The following RGS6 variants were observed in gnomAD, a reference collection of about 807,000 sequenced individuals.
RGS6 encodes the protein regulator of G-protein signaling 6.
In RGS6, 30 loss-of-function variants were observed where a neutral mutation model predicts 78.5. The observed-to-expected ratio is 0.38, with a 90% CI of 0.29 to 0.52. The LOEUF (loss-of-function observed/expected upper bound fraction) is 0.52. RGS6 is among the 20% of genes least tolerant of loss of function. RGS6 has a pLI of 0.85. For synonymous variants in RGS6, 206 were observed against 206.0 expected, an observed-to-expected ratio of 1.00 and a Z score of 0.00; for missense variants, 495 against 609.7, an observed-to-expected ratio of 0.81 and a Z score of 1.98.
intron 2 of RGS6, among the ~76,000 whole-genome samples, chr14:72,077,066 A>G (rs1171430319): frequency 2.0e-5 from 3 of 151,412 alleles, no homozygotes; most frequent in Non-Finnish European, 2.9e-5. Flanking sequence ...ACATTCCTGT[A>G]ACAGGGCATT....
the RGS6 span, among the ~76,000 whole-genome samples, chr14:71,909,136 A>T: frequency 6.6e-6 from 1 of 152,206 alleles, no homozygotes; most frequent in Admixed American, 6.5e-5. Flanking sequence ...GCATGTTCCA[A>T]GTCTAAATCT....
chr14:72,477,728 T>G (rs1157659143), intron 11 of RGS6, among the ~76,000 whole-genome samples: 1 of 148,238 alleles, frequency 6.7e-6, no homozygotes, highest in South Asian at 2.1e-4. Context: ...ATCTGAGAGG[T>G]GGAGGTTGCA....
At chr14:72,260,651 G>T (rs1435681630) in intron 2 of RGS6, among the ~76,000 whole-genome samples, 5 of 152,200 alleles carry the variant, frequency 3.3e-5, no homozygotes, top group Non-Finnish European at 5.9e-5. Flanking sequence ...CTGATCTAGA[G>T]ATAGGGGTTA....
the RGS6 span, among the ~76,000 whole-genome samples, chr14:71,870,549 T>C: frequency 6.6e-6 from 1 of 152,198 alleles, no homozygotes; most frequent in Admixed American, 6.5e-5. Flanking sequence ...GTGCCTGCTC[T>C]GTAAGTGAGG....
intron 15 of RGS6, among the ~76,000 whole-genome samples, chr14:72,528,238 C>A (rs1285533736): frequency 6.6e-6 from 1 of 152,204 alleles, no homozygotes; most frequent in Non-Finnish European, 1.5e-5. Flanking sequence ...GGTTTTGAGA[C>A]AGTTTGTACT....
At chr14:72,029,446 C>A (rs1229065125) in intron 2 of RGS6, among the ~76,000 whole-genome samples, 1 of 152,188 alleles carries the variant, frequency 6.6e-6, no homozygotes, top group Non-Finnish European at 1.5e-5. Flanking sequence ...ACCTCATGTT[C>A]AGTGATGTGA....
At chr14:72,119,559 A>T (rs2095995623) in intron 2 of RGS6, among the ~76,000 whole-genome samples, 1 of 152,196 alleles carries the variant, frequency 6.6e-6, no homozygotes, top group African/African-American at 2.4e-5. Context: ...ATTTGGTTTG[A>T]AGATTAGGAA....
At chr14:72,260,026 A>G (rs535829653) in intron 2 of RGS6, among the ~76,000 whole-genome samples, 1 of 152,144 alleles carries the variant, frequency 6.6e-6, no homozygotes, top group Non-Finnish European at 1.5e-5. Flanking sequence ...ATCCATTCCA[A>G]TTGCTCTTTA....
rs576248232 is a variant in RGS6 at position 72,244,344 on chromosome 14, C to T, written c.85-107751C>T. On this transcript the variant is annotated intron_variant, in intron 2 of 17. Coordinates refer to ENST00000553525, the MANE Select transcript of RGS6 (RefSeq NM_001204424.2). ...TCAACCCTACCTACCTCTCTCTGAA[C>T]GAACAGCCCACACTTTCTACTTCAT... 6.4e-4 allele frequency among the ~76,000 whole-genome samples: 96 copies of T among 151,030 alleles called. 1 individual carries two copies. The South Asian group carries it at 0.016, about 25-fold the overall frequency.
At chr14:72,427,265 C>G (rs2094466241) in intron 3 of RGS6, among the ~76,000 whole-genome samples, 1 of 152,122 alleles carries the variant, frequency 6.6e-6, no homozygotes, top group Non-Finnish European at 1.5e-5. Context: ...TGATTTTTCT[C>G]TTATTAGTTG....
intron 2 of RGS6, among the ~76,000 whole-genome samples, chr14:72,186,957 A>T (rs1201477472): frequency 6.6e-6 from 1 of 152,164 alleles, no homozygotes; most frequent in East Asian, 1.9e-4. Flanking sequence ...ATGATCACAC[A>T]CCTTCAGGTG....
chr14:72,348,642 G>T (rs2078512426), intron 2 of RGS6, among the ~76,000 whole-genome samples: 1 of 152,170 alleles, frequency 6.6e-6, no homozygotes, highest in South Asian at 2.1e-4. Flanking sequence ...ACCTGAAATA[G>T]TATATATAGT....
intron 2 of RGS6, among the ~76,000 whole-genome samples, chr14:72,152,847 G>C (rs1200766447): frequency 1.3e-5 from 2 of 152,070 alleles, no homozygotes; most frequent in African/African-American, 2.4e-5. Flanking sequence ...TGAAATATTA[G>C]GCTTACAGAC....
intron 6 of RGS6, among the ~76,000 whole-genome samples, chr14:72,465,221 C>T (rs191581189): frequency 2.6e-5 from 4 of 152,270 alleles, no homozygotes; most frequent in East Asian, 3.9e-4. Context: ...GCCATCCTAA[C>T]GAGCCCAACC....
chr14:72,023,807 A>G (rs1395589499), intron 2 of RGS6, among the ~76,000 whole-genome samples: 1 of 152,226 alleles, frequency 6.6e-6, no homozygotes, highest in Non-Finnish European at 1.5e-5. Context: ...AATGACAGGC[A>G]GGAGGAATAC....
chr14:72,501,013 G>C (rs539668376), intron 13 of RGS6, among the ~76,000 whole-genome samples: 3 of 152,142 alleles, frequency 2.0e-5, no homozygotes, highest in Non-Finnish European at 4.4e-5. Context: ...CATGAGAGGA[G>C]GGGTTTGGTG....
At chr14:72,190,868 C>T (rs1398059726) in intron 2 of RGS6, among the ~76,000 whole-genome samples, 7 of 152,116 alleles carry the variant, frequency 4.6e-5, no homozygotes, top group Admixed American at 2.6e-4. Flanking sequence ...CCTTTCAAAA[C>T]CCCTGTGATT....
At chr14:72,556,807 T>G (rs982553673) in intron 17 of RGS6, among the ~76,000 whole-genome samples, 3 of 152,266 alleles carry the variant, frequency 2.0e-5, no homozygotes, top group Admixed American at 2.0e-4. Context: ...TTATTAATTC[T>G]TTAATCAGTG....
At chr14:71,874,481 C>T in the RGS6 span, among the ~76,000 whole-genome samples, 3 of 152,234 alleles carry the variant, frequency 2.0e-5, no homozygotes, top group African/African-American at 4.8e-5. Flanking sequence ...GTGATTTTTG[C>T]ACATTGATTT....
Sources: gnomAD v4.1 joint callset for allele counts (sites outside exome capture counted in the v4.1 genomes callset) on GRCh38, gnomAD v4.1.1 for gene constraint, MANE v1.5 for transcripts, NCBI Gene and HGNC (gene_info 2026-07-23, HGNC 2026-07-21) for gene names.